NCAPH: variants seen among roughly 807,000 people sequenced by gnomAD.
NCAPH encodes the protein non-SMC condensin I complex subunit H, also known as condensin complex subunit 2.
Under a neutral mutation model 85.5 loss-of-function variants are expected in NCAPH, and 38 were observed. That is an observed-to-expected ratio of 0.44 (90% confidence interval 0.34 to 0.58). The LOEUF is 0.58. Among genes scored for constraint, NCAPH ranks in the 20% least tolerant of loss-of-function variants. The pLI, the probability that NCAPH is intolerant of heterozygous loss-of-function variation, is 0.01. For missense variants in NCAPH, 789 were observed against 916.6 expected, an observed-to-expected ratio of 0.86 and a Z score of 1.80; for synonymous variants, 301 against 335.1, an observed-to-expected ratio of 0.90 and a Z score of 1.11.
At chr2:96,365,394 T>C (rs2064682548) in intron 13 of NCAPH, among the ~76,000 whole-genome samples, 1 of 151,652 alleles carries the variant, frequency 6.6e-6, no homozygotes, top group African/African-American at 2.4e-5. Context: ...CTGACCTGTG[T>C]CCCCCCACCC....
rs1287701691 is a variant in NCAPH, at chr2:96,342,762, A to G, written c.370A>G (p.Thr124Ala). 1.9e-6 allele frequency: 3 copies of G among 1,611,480 alleles called. No individual in the cohort carries two copies. Among genetic ancestry groups the G allele is most frequent in the Non-Finnish European group, 1.7e-6 (2 of 1,178,596 alleles). ...TGCAATTTTCTGTTTTCAGAAAATC[A>G]CTACCAAGAATGCTTTTGGTTTGCA... ...CIKLSTENKI[T>A]TKNAFGLHLI... Residue 124 changes from threonine (T) to alanine (A), a missense_variant, in exon 4 of 18, where the codon ACT (threonine) becomes GCT (alanine). Transcript: ENST00000240423.
rs769747624 is a variant in NCAPH at position 96,365,913 on chromosome 2, T to C, written c.1736T>C (p.Phe579Ser). ...DSDDEDLDDL[F>S]VGPVGNSDLS... ...GATGATGAAGATTTGGATGACTTAT[T>C]TGTGGGACCTGTTGGGAACTCTGAC... is the stretch of plus-strand genomic sequence containing the variant. The change falls in exon 14 of 18, where the codon TTT becomes TCT. Residue 579 changes from phenylalanine (F) to serine (S), a missense_variant. By Grantham distance (155) the Phe-to-Ser change is radical. Transcript: ENST00000240423. 1.2e-6 allele frequency: 2 copies of C among 1,614,192 alleles called. No individual in the cohort carries two copies. The highest frequency in any genetic ancestry group is 3.3e-5 in the Admixed American group (2 of 60,022).
intron 1 of NCAPH, among the ~76,000 whole-genome samples, chr2:96,339,872 C>G (rs1223910467): frequency 6.6e-6 from 1 of 152,130 alleles, no homozygotes; most frequent in Non-Finnish European, 1.5e-5. Flanking sequence ...TCCCACCTCA[C>G]TAGTTGCACA....
intron 6 of NCAPH, among the ~76,000 whole-genome samples, chr2:96,351,101 G>C (rs899644384): frequency 6.6e-6 from 1 of 152,088 alleles, no homozygotes; most frequent in South Asian, 2.1e-4. Context: ...GGATATCTTG[G>C]GTATGTTCTT....
intron 12 of NCAPH, among the ~76,000 whole-genome samples, chr2:96,363,695 G>T (rs1163340680): frequency 2.0e-5 from 3 of 152,202 alleles, no homozygotes; most frequent in Non-Finnish European, 2.9e-5. Flanking sequence ...CATTCCACGA[G>T]GCTCTGGAAT....
chr2:96,357,735 A>G (rs929896753), intron 9 of NCAPH, among the ~76,000 whole-genome samples: 4 of 152,216 alleles, frequency 2.6e-5, no homozygotes, highest in Non-Finnish European at 4.4e-5. Flanking sequence ...AAATGCACAA[A>G]TGTAGTCTCC....
chr2:96,368,242 A>G (rs1037014728), intron 15 of NCAPH, among the ~76,000 whole-genome samples: 39 of 152,240 alleles, frequency 2.6e-4, no homozygotes, highest in African/African-American at 8.7e-4. Flanking sequence ...ATAAAGTTTT[A>G]TCAACTAGAA....
intron 7 of NCAPH, among the ~76,000 whole-genome samples, 191 bp downstream of exon 7, chr2:96,352,211 G>T (rs142838995): frequency 9.2e-5 from 14 of 152,118 alleles, no homozygotes; most frequent in Admixed American, 6.5e-5. Context: ...TCTCTGCGGC[G>T]TGGAGTCTAA....
At chr2:96,340,625 G>T (rs1418567811) in intron 1 of NCAPH, among the ~76,000 whole-genome samples, 1 of 151,816 alleles carries the variant, frequency 6.6e-6, no homozygotes, top group East Asian at 1.9e-4. Flanking sequence ...CCTGACCTCA[G>T]GTGATCCACC....
chr2:96,370,234 A>G lies in NCAPH; in HGVS notation c.2166+734A>G, dbSNP rs376762879. 1.1e-4 allele frequency among the ~76,000 whole-genome samples: 16 copies of G among 152,340 alleles called. No homozygotes were observed. The South Asian group carries it at 3.3e-3, about 32-fold the overall frequency. On this transcript the variant is annotated intron_variant, in intron 17 of 17. Coordinates refer to ENST00000240423, the MANE Select transcript of NCAPH (RefSeq NM_015341.5). ...CCTTTGGCACGTGCAGTAGAGGGCT[A>G]TGGGCTGGGCCATGGCGTGTGCGGC...
intron 1 of NCAPH, among the ~76,000 whole-genome samples, chr2:96,337,547 G>T (rs2064231303): frequency 6.6e-6 from 1 of 152,046 alleles, no homozygotes; most frequent in Admixed American, 6.5e-5. Context: ...AGCCTCCCGA[G>T]TAGCTGGGAC....
rs2064804016 is a variant in NCAPH at position 96,373,854 on chromosome 2, T to C, written c.*503T>C. 6.5e-6 allele frequency: 1 copy of C among 152,996 alleles called. No homozygotes were observed. 9.5% of individuals were successfully genotyped at this position (152,996 alleles called of 1,614,324 possible). On this transcript the variant is annotated 3_prime_UTR_variant, in exon 18 of 18. Coordinates refer to ENST00000240423, the MANE Select transcript of NCAPH (RefSeq NM_015341.5). The stretch of plus-strand genomic sequence containing the variant: ...ATAGAACTGGCAAAATATTTGAGTG[T>C]CCACTAGATGAGTATCAGACCTAGT...
Position 96,373,282 on chromosome 2 carries a change from C to T in NCAPH, c.2167-10C>T. 6.2e-7 allele frequency: 1 copy of T among 1,612,726 alleles called. No homozygotes were observed. The highest frequency in any genetic ancestry group is 8.5e-7 in the Non-Finnish European group (1 of 1,178,860). ...TACCAAAGTCCATGCATGTTTTGGTCTTCCCTCAGAATCTAAAACTGGAAG... is the reference window on the plus strand; with the variant it reads ...TACCAAAGTCCATGCATGTTTTGGTTTTCCCTCAGAATCTAAAACTGGAAG... On this transcript the variant is annotated splice_polypyrimidine_tract_variant and intron_variant, in intron 17 of 17. Coordinates refer to ENST00000240423, the MANE Select transcript of NCAPH (RefSeq NM_015341.5).
At chr2:96,351,497 C>A (rs766576824) in intron 6 of NCAPH, among the ~76,000 whole-genome samples, 25 of 151,952 alleles carry the variant, frequency 1.6e-4, no homozygotes, top group Non-Finnish European at 8.8e-5. Flanking sequence ...GATGAAACCC[C>A]GTCTCTACTA....
At chr2:96,371,608 C>G (rs949988818) in intron 17 of NCAPH, among the ~76,000 whole-genome samples, 1 of 152,126 alleles carries the variant, frequency 6.6e-6, no homozygotes, top group Non-Finnish European at 1.5e-5. Flanking sequence ...TTTTAAGGGT[C>G]CCAGAGCTCT....
intron 6 of NCAPH, among the ~76,000 whole-genome samples, chr2:96,350,733 C>A (rs1180592902): frequency 2.6e-5 from 4 of 152,258 alleles, no homozygotes; most frequent in African/African-American, 9.6e-5. Context: ...TGAGCTTGGA[C>A]TCCGAGCTAA....
chr2:96,350,135 T>C (rs1176610223), intron 6 of NCAPH, among the ~76,000 whole-genome samples: 1 of 152,272 alleles, frequency 6.6e-6, no homozygotes, highest in Non-Finnish European at 1.5e-5. Context: ...TTCAGTCTAT[T>C]GTAAGGCCTT....
intron 12 of NCAPH, among the ~76,000 whole-genome samples, chr2:96,361,342 G>C (rs1365766574): frequency 3.3e-5 from 5 of 152,006 alleles, no homozygotes; most frequent in Admixed American, 3.3e-4. Context: ...GAGCCACTGT[G>C]CCCACCTGAT....
chr2:96,344,238 C>A lies in NCAPH; in HGVS notation c.720+9C>A. The A allele has an allele frequency of 6.2e-7, 1 of 1,601,712 alleles. No homozygotes were observed. Among genetic ancestry groups the A allele is most frequent in the Non-Finnish European group, 8.5e-7 (1 of 1,175,934 alleles). On this transcript the variant is annotated intron_variant, in intron 6 of 17. Coordinates refer to ENST00000240423, the MANE Select transcript of NCAPH (RefSeq NM_015341.5). Reference sequence around the variant, plus strand: ...CAGATCGGAAGTGTGAGGTGAGGAACTGTATGCGCAGTGTGGTTTCTGACT... The same window carrying A: ...CAGATCGGAAGTGTGAGGTGAGGAAATGTATGCGCAGTGTGGTTTCTGACT...
Sources: allele counts gnomAD v4.1 joint callset (sites outside exome capture counted in the v4.1 genomes callset), GRCh38; gene constraint gnomAD v4.1.1; transcripts MANE v1.5; gene names NCBI Gene and HGNC (gene_info 2026-07-23, HGNC 2026-07-21).